CNGB3: variants seen among roughly 807,000 people sequenced by gnomAD.
The protein encoded by CNGB3 is cyclic nucleotide-gated channel beta-3.
Under a neutral mutation model 92.8 loss-of-function variants are expected in CNGB3, and 86 were observed. That is an observed-to-expected ratio of 0.93 (90% CI 0.78 to 1.11). CNGB3 has a LOEUF of 1.11. Among genes scored for constraint, CNGB3 ranks in the 50% least tolerant of loss-of-function variants. CNGB3 has a pLI of 0.00. For missense variants in CNGB3, 1,026 were observed against 956.8 expected (o/e 1.07, Z -0.95); for synonymous variants, 333 against 332.7 (o/e 1.00, Z -0.01).
intron 15 of CNGB3, among the ~76,000 whole-genome samples, chr8:86,580,120 G>C (rs568810654): frequency 6.9e-6 from 1 of 145,904 alleles, no homozygotes; most frequent in South Asian, 2.2e-4. Context: ...GAAAGACAGA[G>C]AGCAAGGAAG....
chr8:86,667,963 G>C, intron 5 of CNGB3, 56 bp downstream of exon 5: 1 of 1,587,350 alleles, frequency 6.3e-7, no homozygotes, highest in African/African-American at 1.3e-5. Context: ...TTGAGTCACA[G>C]GGTTTCTTGG....
At chr8:86,733,445 T>G (rs1825193434) in intron 2 of CNGB3, among the ~76,000 whole-genome samples, 1 of 152,232 alleles carries the variant, frequency 6.6e-6, no homozygotes, top group African/African-American at 2.4e-5. Context: ...ATTTATTTTC[T>G]TTTGGATATA....
chr8:86,603,591 T>C (rs1457977556), intron 15 of CNGB3, among the ~76,000 whole-genome samples: 11 of 152,198 alleles, frequency 7.2e-5, no homozygotes, highest in Admixed American at 6.5e-4. Context: ...CTTTAAGATA[T>C]GTTCTATTAT....
At chr8:86,584,437 G>A (rs1821853898) in intron 15 of CNGB3, among the ~76,000 whole-genome samples, 1 of 152,180 alleles carries the variant, frequency 6.6e-6, no homozygotes, top group Admixed American at 6.5e-5. Flanking sequence ...GTTATTTTGA[G>A]ATTTCTCAAG....
intron 3 of CNGB3, among the ~76,000 whole-genome samples, chr8:86,694,628 C>T (rs1196588505): frequency 2.6e-5 from 4 of 150,982 alleles, no homozygotes; most frequent in Non-Finnish European, 4.4e-5. Flanking sequence ...GACAGGGTCG[C>T]GGCCGGGCAG....
intron 3 of CNGB3, among the ~76,000 whole-genome samples, chr8:86,713,954 C>T (rs13270693): frequency 5.9e-4 from 89 of 152,010 alleles, no homozygotes; most frequent in Non-Finnish European, 9.0e-4. Context: ...GCATAACCTT[C>T]CCCATTATCA....
At position 86,575,942 on chromosome 8, in the gene CNGB3, C is replaced by T; in HGVS notation, c.2292G>A (p.Glu764=). 1 of 1,614,092 alleles carries T rather than the reference C, an allele frequency of 6.2e-7. No homozygotes were observed. The highest frequency in any genetic ancestry group is 1.3e-5 in the African/African-American group (1 of 75,036). The change falls in exon 18 of 18, where the codon GAG becomes GAA. Residue 764 remains glutamate (E), a synonymous_variant. Transcript: ENST00000320005. The part of the protein sequence containing the change: ...PECTASPIAV[E]EEPHSVRRTV... ...TCCTTCTAACTGAGTGGGGTTCTTC[C>T]TCCACTGCAATAGGACTTGCTGTAC...
intron 3 of CNGB3, among the ~76,000 whole-genome samples, chr8:86,694,372 CCGGA>C (rs1824400071): frequency 6.7e-6 from 1 of 149,504 alleles, no homozygotes; most frequent in Non-Finnish European, 1.5e-5. Context: ...CACTTCCCTC[CCGGA>C]CGGGGTGGCT....
At chr8:86,685,926 AT>A (rs1824179600) in intron 3 of CNGB3, among the ~76,000 whole-genome samples, 1 of 152,026 alleles carries the variant, frequency 6.6e-6, no homozygotes, top group Non-Finnish European at 1.5e-5. Context: ...CAGAAGGTGA[AT>A]TTTTTAATAT....
chr8:86,743,382 A>G, intron 1 of CNGB3, 117 bp downstream of exon 1: 1 of 1,110,938 alleles, frequency 9.0e-7, no homozygotes, highest in South Asian at 1.2e-5. Context: ...CAGTACATGT[A>G]CCAGATGGTG....
At chr8:86,586,344 T>G (rs1294879324) in intron 15 of CNGB3, among the ~76,000 whole-genome samples, 1 of 152,282 alleles carries the variant, frequency 6.6e-6, no homozygotes, top group Non-Finnish European at 1.5e-5. Context: ...TTAAATTTTT[T>G]TTTAATTATA....
At chr8:86,603,977 G>A in intron 15 of CNGB3, 116 bp downstream of exon 15, 1 of 729,768 alleles carries the variant, frequency 1.4e-6, no homozygotes, top group East Asian at 2.7e-5. Flanking sequence ...TTTTACGAAT[G>A]CTCTCAGCAC....
chr8:86,706,016 A>G (rs1824645287), intron 3 of CNGB3, among the ~76,000 whole-genome samples: 1 of 152,222 alleles, frequency 6.6e-6, no homozygotes, highest in Non-Finnish European at 1.5e-5. Flanking sequence ...CTGAGGCCCT[A>G]CACTGACAGT....
intron 3 of CNGB3, among the ~76,000 whole-genome samples, chr8:86,699,258 A>T (rs1359434222): frequency 6.6e-6 from 1 of 151,998 alleles, no homozygotes; most frequent in Non-Finnish European, 1.5e-5. Flanking sequence ...AGAATTTTTA[A>T]CTCTTCTTCA....
intron 3 of CNGB3, among the ~76,000 whole-genome samples, chr8:86,678,911 A>G (rs1320262465): frequency 6.6e-6 from 1 of 152,216 alleles, no homozygotes; most frequent in East Asian, 1.9e-4. Flanking sequence ...CAGCATAAAC[A>G]TAGTCATAAT....
chr8:86,644,499 A>G (rs1823255552), intron 9 of CNGB3, 123 bp downstream of exon 9: 1 of 1,295,928 alleles, frequency 7.7e-7, no homozygotes, highest in Non-Finnish European at 1.1e-6. Context: ...TATATTTTAT[A>G]TAGCCAAAGC....
At position 86,692,748 on chromosome 8, in the gene CNGB3, G is replaced by A. The variant is rs149613052; in HGVS notation, c.339-21650C>T. On this transcript the variant is annotated intron_variant, in intron 3 of 17. Coordinates refer to ENST00000320005, the MANE Select transcript of CNGB3 (RefSeq NM_019098.5). ...TTCAATATTAGTATTGACATGTGAG[G>A]TAGGTACTGTTTTATTCATCATGCT... Among the ~76,000 whole-genome samples, 113 of 152,100 alleles carry A rather than the reference G, an allele frequency of 7.4e-4. 1 individual carries two copies. Among genetic ancestry groups the A allele is most frequent in the African/African-American group, 2.6e-3 (110 of 41,518 alleles).
chr8:86,720,753 C>T (rs1350222929), intron 3 of CNGB3, among the ~76,000 whole-genome samples: 2 of 150,482 alleles, frequency 1.3e-5, no homozygotes, highest in East Asian at 3.9e-4. Flanking sequence ...AACCCAAATG[C>T]TTGTCAATCA....
At chr8:86,732,719 T>A (rs1329410653) in intron 2 of CNGB3, among the ~76,000 whole-genome samples, 1 of 152,212 alleles carries the variant, frequency 6.6e-6, no homozygotes, top group Non-Finnish European at 1.5e-5. Flanking sequence ...AATATTTATC[T>A]TTTTTCTAGA....
Sources: allele counts gnomAD v4.1 joint callset (sites outside exome capture counted in the v4.1 genomes callset), GRCh38; gene constraint gnomAD v4.1.1; transcripts MANE v1.5; gene names NCBI Gene and HGNC (gene_info 2026-07-23, HGNC 2026-07-21).